Variants in TENM4 observed in about 807,000 individuals in gnomAD.
TENM4 encodes teneurin transmembrane protein 4, also known as teneurin-4.
TENM4 carries 82 observed loss-of-function variants against 243.3 expected under a neutral mutation model. That is an observed-to-expected ratio of 0.34 (90% CI 0.28 to 0.40). TENM4 has a LOEUF of 0.40. TENM4 is among the 10% of genes least tolerant of loss of function. The pLI is 1.00. For synonymous variants in TENM4, 1,412 were observed against 1,456.3 expected, an observed-to-expected ratio of 0.97 and a Z score of 0.69; for missense variants, 3,138 against 3,673.3, an observed-to-expected ratio of 0.85 and a Z score of 3.77.
At chr11:79,326,100 A>G (rs1856971390) in intron 1 of TENM4, among the ~76,000 whole-genome samples, 1 of 152,096 alleles carries the variant, frequency 6.6e-6, no homozygotes, top group Non-Finnish European at 1.5e-5. Context: ...GGGGTAAGAG[A>G]TTTCCTAATA....
intron 2 of TENM4, among the ~76,000 whole-genome samples, chr11:79,231,940 C>T (rs978799987): frequency 3.9e-5 from 6 of 152,184 alleles, no homozygotes; most frequent in African/African-American, 2.4e-5. Context: ...ATTAGCCAGG[C>T]GTGGTAGCAC....
intron 6 of TENM4, among the ~76,000 whole-genome samples, chr11:78,970,330 G>A (rs1857514772): frequency 6.6e-6 from 1 of 152,112 alleles, no homozygotes; most frequent in Non-Finnish European, 1.5e-5. Context: ...TATTTGAAAT[G>A]GATTGGAATC....
intron 18 of TENM4, among the ~76,000 whole-genome samples, chr11:78,765,698 A>C (rs1265020864): frequency 6.6e-6 from 1 of 152,226 alleles, no homozygotes; most frequent in East Asian, 1.9e-4. Flanking sequence ...GACTTTGGGC[A>C]AATCATTTCA....
At chr11:78,883,503 C>A (rs1037898435) in intron 9 of TENM4, among the ~76,000 whole-genome samples, 1 of 152,192 alleles carries the variant, frequency 6.6e-6, no homozygotes, top group Admixed American at 6.5e-5. Flanking sequence ...AGACCTGGAC[C>A]TGATGATACA....
intron 6 of TENM4, among the ~76,000 whole-genome samples, chr11:79,029,392 C>T (rs1202474083): frequency 6.6e-6 from 1 of 152,190 alleles, no homozygotes; most frequent in East Asian, 1.9e-4. Context: ...ATGGAGTTAG[C>T]AAATTTGTTT....
chr11:78,978,334 C>A (rs1390453382), intron 6 of TENM4, among the ~76,000 whole-genome samples: 1 of 133,096 alleles, frequency 7.5e-6, no homozygotes, highest in African/African-American at 2.7e-5. Context: ...CACATGTACC[C>A]CAGAACTTAA....
chr11:79,257,762 C>T (rs1034734802), intron 2 of TENM4, among the ~76,000 whole-genome samples: 3 of 152,268 alleles, frequency 2.0e-5, no homozygotes, highest in East Asian at 1.9e-4. Context: ...ATTAAGGCCA[C>T]CACATTGCTG....
At chr11:79,340,459 T>C (rs1004956235) in intron 1 of TENM4, among the ~76,000 whole-genome samples, 2 of 152,128 alleles carry the variant, frequency 1.3e-5, no homozygotes, top group African/African-American at 4.8e-5. Flanking sequence ...TGGAAAATGA[T>C]ACTCTTGAGG....
At chr11:79,191,946 T>TGG (rs1863511692) in intron 3 of TENM4, among the ~76,000 whole-genome samples, 1 of 146,138 alleles carries the variant, frequency 6.8e-6, no homozygotes, top group Non-Finnish European at 1.5e-5. Context: ...AGGAGGGAGG[T>TGG]GGGGGTCAGC....
chr11:79,314,403 G>GA (rs2135418133), intron 1 of TENM4, among the ~76,000 whole-genome samples: 1 of 152,336 alleles, frequency 6.6e-6, no homozygotes, highest in Non-Finnish European at 1.5e-5. Context: ...GGAGATAAAT[G>GA]AATTGAGTTT....
At chr11:79,430,715 G>A (rs1017019941) in intron 1 of TENM4, among the ~76,000 whole-genome samples, 13 of 152,142 alleles carry the variant, frequency 8.5e-5, no homozygotes, top group African/African-American at 2.4e-4. Context: ...CAGAAGGGTC[G>A]CCCAAGGTCC....
intron 2 of TENM4, among the ~76,000 whole-genome samples, chr11:79,258,518 T>C (rs1855738967): frequency 6.6e-6 from 1 of 152,144 alleles, no homozygotes; most frequent in Admixed American, 6.5e-5. Flanking sequence ...TTTCACAAGG[T>C]CAAGTGTGCA....
chr11:78,733,823 C>T (rs955808807), intron 20 of TENM4, among the ~76,000 whole-genome samples: 5 of 152,088 alleles, frequency 3.3e-5, no homozygotes, highest in South Asian at 2.1e-4. Context: ...ATCACTAATC[C>T]GGCAGGCTGG....
rs1378838053 is a variant in TENM4 at position 78,903,513 on chromosome 11, G to A, written c.504C>T (p.Gly168=). 3 of 1,546,452 alleles carry A rather than the reference G, an allele frequency of 1.9e-6. No homozygotes were observed. Among genetic ancestry groups the A allele is most frequent in the South Asian group, 1.2e-5 (1 of 83,996 alleles). The stretch of plus-strand genomic sequence containing the variant: ...GGAGCCGCGCGTGGTTCTGCAGGCC[G>A]CCCGGATGATCTAGGGCACAAACAT... ...EHENTETDHP[G]GLQNHARLRT... Residue 168 remains glycine (G), a synonymous_variant, in exon 7 of 34, where the codon GGC becomes GGT. Coordinates refer to ENST00000278550, the MANE Select transcript of TENM4 (RefSeq NM_001098816.3).
chr11:79,213,909 T>C (rs1259208278), intron 3 of TENM4, among the ~76,000 whole-genome samples: 1 of 152,172 alleles, frequency 6.6e-6, no homozygotes, highest in Non-Finnish European at 1.5e-5. Flanking sequence ...GGGAGTCAAA[T>C]GAGATGCATC....
chr11:78,725,414 T>C (rs1283711302), intron 23 of TENM4, among the ~76,000 whole-genome samples: 1 of 152,214 alleles, frequency 6.6e-6, no homozygotes, highest in Non-Finnish European at 1.5e-5. Flanking sequence ...GTGAGTTATC[T>C]ATAATACAGA....
chr11:78,990,262 T>A (rs1300869830), intron 6 of TENM4, among the ~76,000 whole-genome samples: 2 of 152,062 alleles, frequency 1.3e-5, no homozygotes, highest in Non-Finnish European at 2.9e-5. Context: ...GTGGCTGAGC[T>A]GTATTTGGAA....
intron 14 of TENM4, among the ~76,000 whole-genome samples, chr11:78,810,811 A>C (rs754078718): frequency 2.6e-5 from 4 of 152,196 alleles, no homozygotes; most frequent in Non-Finnish European, 5.9e-5. Context: ...TCTGTTAAAC[A>C]GTAAATGGTT....
intron 10 of TENM4, among the ~76,000 whole-genome samples, chr11:78,858,731 G>A (rs1858741041): frequency 6.6e-6 from 1 of 152,166 alleles, no homozygotes. Context: ...ATAAGGGAGA[G>A]GAGAGGCTAG....
Sources: gnomAD v4.1 joint callset for allele counts (sites outside exome capture counted in the v4.1 genomes callset) on GRCh38, gnomAD v4.1.1 for gene constraint, MANE v1.5 for transcripts, NCBI Gene and HGNC (gene_info 2026-07-23, HGNC 2026-07-21) for gene names.